Variants in CEP43 observed in about 807,000 individuals in gnomAD.
CEP43 encodes the protein FGFR1 oncogene partner.
A neutral mutation model predicts 52.6 loss-of-function variants in CEP43; 36 were observed. The observed-to-expected ratio is 0.68, with a 90% CI of 0.52 to 0.90. CEP43 has a LOEUF of 0.90. Ranked by LOEUF, CEP43 falls within the 40% of genes least tolerant of loss-of-function variation. The pLI, the probability that CEP43 is intolerant of heterozygous loss-of-function variation, is 0.00. For synonymous variants in CEP43, 192 were observed against 172.4 expected, an observed-to-expected ratio of 1.11 and a Z score of -0.89; for missense variants, 506 against 472.8, an observed-to-expected ratio of 1.07 and a Z score of -0.65.
At chr6:167,033,520 T>G (rs1022357791) in intron 11 of CEP43, among the ~76,000 whole-genome samples, 5 of 152,232 alleles carry the variant, frequency 3.3e-5, no homozygotes, top group African/African-American at 1.2e-4. Flanking sequence ...AATTGACAGG[T>G]TATCTTTCCA....
At chr6:167,039,471 A>T (rs1780649629) in intron 12 of CEP43, among the ~76,000 whole-genome samples, 1 of 152,134 alleles carries the variant, frequency 6.6e-6, no homozygotes, top group South Asian at 2.1e-4. Context: ...CATGGTATGT[A>T]TATACCACAA....
chr6:167,028,764 A>G (rs1178728202), intron 10 of CEP43, among the ~76,000 whole-genome samples: 1 of 152,208 alleles, frequency 6.6e-6, no homozygotes, highest in Non-Finnish European at 1.5e-5. Flanking sequence ...GTCCTGATGC[A>G]TCACACAGAG....
At position 167,042,680 on chromosome 6, in the gene CEP43, T is replaced by C. The variant is rs550797922; in HGVS notation, c.*2702T>C. On this transcript the variant is annotated 3_prime_UTR_variant, in exon 13 of 13. Coordinates refer to ENST00000366847, the MANE Select transcript of CEP43 (RefSeq NM_007045.4). ...CCTAGAACTGCATGAAGCTGGTTTA[T>C]TTCAGTCTCATGTTCAAAGACGCTT... 1.3e-5 allele frequency: 2 copies of C among 152,462 alleles called. No homozygotes were observed. Among genetic ancestry groups the C allele is most frequent in the Admixed American group, 1.3e-4 (2 of 15,308 alleles). The allele number at this position is 152,462 out of a possible 1,614,324, so 9.4% of individuals were successfully genotyped here.
intron 10 of CEP43, among the ~76,000 whole-genome samples, chr6:167,029,444 CCA>C (rs1780421617): frequency 6.6e-6 from 1 of 152,140 alleles, no homozygotes; most frequent in Non-Finnish European, 1.5e-5. Context: ...GATGAGCATC[CCA>C]AATCTGAAAA....
At chr6:167,007,864 A>G (rs903503123) in intron 5 of CEP43, among the ~76,000 whole-genome samples, 4 of 152,234 alleles carry the variant, frequency 2.6e-5, no homozygotes, top group African/African-American at 9.6e-5. Flanking sequence ...GAGCCCCTCA[A>G]TGGATCATTT....
At chr6:167,030,228 C>G (rs1396859326) in intron 10 of CEP43, among the ~76,000 whole-genome samples, 1 of 152,170 alleles carries the variant, frequency 6.6e-6, no homozygotes, top group Non-Finnish European at 1.5e-5. Flanking sequence ...ACATTGCAGC[C>G]ACAGCCGTCC....
chr6:167,050,841 C>T lies in CEP43; in HGVS notation c.*10863C>T, dbSNP rs1031542604. ...AGACATTGGATTTGTAAGTTTCTGA[C>T]AGGTTCATTTTGCCTGCTGCCCAGA... On this transcript the variant is annotated 3_prime_UTR_variant, in exon 13 of 13. Transcript: ENST00000366847. The T allele has an allele frequency of 6.8e-6, 1 of 147,226 alleles. No individual in the cohort carries two copies. The highest frequency in any genetic ancestry group is 1.5e-5 in the Non-Finnish European group (1 of 66,972). 9.1% of individuals were successfully genotyped at this position (147,226 alleles called of 1,614,324 possible). A position where few individuals can be genotyped will look rare whatever the true frequency, so the allele number is the denominator to read the frequency against.
chr6:167,024,167 G>T (rs1780301166), intron 8 of CEP43, among the ~76,000 whole-genome samples: 1 of 152,150 alleles, frequency 6.6e-6, no homozygotes. Flanking sequence ...GTAGGCAGGG[G>T]GTGGATATGA....
chr6:167,021,182 ACTG>A (rs1780223668), intron 7 of CEP43, among the ~76,000 whole-genome samples: 1 of 152,138 alleles, frequency 6.6e-6, no homozygotes, highest in Non-Finnish European at 1.5e-5. Flanking sequence ...TTTACACAAT[ACTG>A]CTCTCTTTAG....
intron 10 of CEP43, among the ~76,000 whole-genome samples, chr6:167,027,002 A>T (rs1484566510): frequency 1.3e-5 from 2 of 152,222 alleles, no homozygotes; most frequent in Non-Finnish European, 2.9e-5. Context: ...CAGAAGCTTC[A>T]TGGTTAAGTA....
rs192482377 is a variant in CEP43, at chr6:167,018,421, C to T, written c.580-3988C>T. Among the ~76,000 whole-genome samples, 4 of 152,108 alleles carry T rather than the reference C, an allele frequency of 2.6e-5. No individual in the cohort carries two copies. The East Asian group carries it at 5.8e-4, about 22-fold the overall frequency. ...TGTATTTTTTTTTGAGACGGATTCT[C>T]GCTCTGTCACCAGGCTGGAGTGCAG... On this transcript the variant is annotated intron_variant, in intron 7 of 12. Coordinates refer to ENST00000366847, the MANE Select transcript of CEP43 (RefSeq NM_007045.4).
intron 7 of CEP43, among the ~76,000 whole-genome samples, chr6:167,016,136 T>C (rs181196071): frequency 1.4e-3 from 212 of 152,286 alleles, no homozygotes; most frequent in African/African-American, 4.8e-3. Flanking sequence ...GTTTTTACCA[T>C]TTAGTTGGAA....
chr6:167,014,709 C>T (rs543480638), intron 7 of CEP43, among the ~76,000 whole-genome samples: 8 of 152,120 alleles, frequency 5.3e-5, no homozygotes, highest in South Asian at 2.1e-4. Context: ...GTTCTTTATG[C>T]GTTATTAAAC....
In CEP43 at chr6:167,051,090, C is replaced by T. The variant is rs1281816488; in HGVS notation, c.*11112C>T. 1 of 151,946 alleles carries T rather than the reference C, an allele frequency of 6.6e-6. No individual in the cohort carries two copies. Among genetic ancestry groups the T allele is most frequent in the Non-Finnish European group, 1.5e-5 (1 of 67,994 alleles). 9.4% of individuals were successfully genotyped at this position (151,946 alleles called of 1,614,324 possible). A position where few individuals can be genotyped will look rare whatever the true frequency, so the allele number is the denominator to read the frequency against. On this transcript the variant is annotated 3_prime_UTR_variant, in exon 13 of 13. Transcript: ENST00000366847. The stretch of plus-strand genomic sequence containing the variant: ...CAGCTTCTGGGTGGGGGCCAGAGGA[C>T]CAGTTGAGCCAAGAATTCAAGAGGT...
chr6:167,033,290 T>C (rs2128667372), intron 11 of CEP43, among the ~76,000 whole-genome samples: 1 of 152,044 alleles, frequency 6.6e-6, no homozygotes, highest in Middle Eastern at 3.4e-3. Context: ...TTTGTATTTT[T>C]GGTAGAGACA....
In CEP43 at chr6:167,041,306, A is replaced by G; in HGVS notation, c.*1328A>G. ...AATGTAAGGATTAAGGCTGTGTAAC[A>G]GAATCTGGCTTTTTAAAATTTAAGT... On this transcript the variant is annotated 3_prime_UTR_variant, in exon 13 of 13. Coordinates refer to ENST00000366847, the MANE Select transcript of CEP43 (RefSeq NM_007045.4). 2 of 1,053,340 alleles carry G rather than the reference A, an allele frequency of 1.9e-6. No homozygotes were observed. The highest frequency in any genetic ancestry group is 2.3e-6 in the Non-Finnish European group (2 of 871,736). The allele number at this position is 1,053,340 out of a possible 1,614,324, so 65.2% of individuals were successfully genotyped here. A position where few individuals can be genotyped will look rare whatever the true frequency, so the allele number is the denominator to read the frequency against.
At position 167,000,053 on chromosome 6, in the gene CEP43, T is replaced by C; in HGVS notation, c.103-7T>C. ...TATAATTTCCTGTTTCTTAACTTTT[T>C]TTTAAGGCTGAACTCCGAGCAGCTG... On this transcript the variant is annotated splice_region_variant and splice_polypyrimidine_tract_variant and intron_variant, in intron 1 of 12. Coordinates refer to ENST00000366847, the MANE Select transcript of CEP43 (RefSeq NM_007045.4). The C allele has an allele frequency of 6.2e-7, 1 of 1,609,880 alleles. No individual in the cohort carries two copies. Among genetic ancestry groups the C allele is most frequent in the Non-Finnish European group, 8.5e-7 (1 of 1,176,886 alleles).
At chr6:167,014,002 A>T (rs1780040010) in intron 7 of CEP43, among the ~76,000 whole-genome samples, 1 of 152,218 alleles carries the variant, frequency 6.6e-6, no homozygotes, top group East Asian at 1.9e-4. Flanking sequence ...ATGGCATGAA[A>T]TAAAAAGTAA....
At chr6:167,024,099 G>A (rs1186093280) in intron 8 of CEP43, among the ~76,000 whole-genome samples, 1 of 152,150 alleles carries the variant, frequency 6.6e-6, no homozygotes, top group African/African-American at 2.4e-5. Context: ...GCGCAGCAGT[G>A]GAATCCCATG....
Sources: allele counts gnomAD v4.1 joint callset (sites outside exome capture counted in the v4.1 genomes callset), GRCh38; gene constraint gnomAD v4.1.1; transcripts MANE v1.5; gene names NCBI Gene and HGNC (gene_info 2026-07-23, HGNC 2026-07-21).